ACADL: variants seen among roughly 807,000 people sequenced by gnomAD.
ACADL encodes the protein long-chain specific acyl-CoA dehydrogenase, mitochondrial.
ACADL carries 60 observed loss-of-function variants against 56.9 expected under a neutral mutation model. The observed-to-expected ratio is 1.05, with a 90% CI of 0.86 to 1.31. The LOEUF (loss-of-function observed/expected upper bound fraction) is 1.31, where lower values mean the gene tolerates loss of function less well. ACADL is among the 50% of genes most tolerant of loss of function. The pLI is 0.00. For synonymous variants in ACADL, 158 were observed against 179.7 expected, an observed-to-expected ratio of 0.88 and a Z score of 0.97; for missense variants, 484 against 525.5, an observed-to-expected ratio of 0.92 and a Z score of 0.77.
chr2:210,210,749 C>T (rs1050099628), intron 4 of ACADL, among the ~76,000 whole-genome samples: 3 of 152,114 alleles, frequency 2.0e-5, no homozygotes, highest in Admixed American at 1.3e-4. Flanking sequence ...AGTTTGAGAC[C>T]AGCCTGGGCA....
chr2:210,204,652 G>A lies in ACADL; in HGVS notation c.799C>T (p.Arg267Trp), dbSNP rs200297060. 6.0e-4 allele frequency: 969 copies of A among 1,612,070 alleles called. 5 individuals carry two copies. The highest frequency in any genetic ancestry group is 2.1e-3 in the Middle Eastern group (13 of 6,054). ...DTAELFFEDI[R>W]LPASALLGEE... ...CCAAGTAGGGCACTAGCTGGCAACC[G>A]TATATCTTCAAAGAATAGTTCTGCG... The change falls in exon 7 of 11, where the codon CGG (arginine) becomes TGG (tryptophan). Residue 267 changes from arginine (R) to tryptophan (W), a missense_variant. By Grantham distance (101) the Arg-to-Trp change is moderately radical. Transcript: ENST00000233710.
At chr2:210,207,260 A>T (rs1285020324) in intron 5 of ACADL, among the ~76,000 whole-genome samples, 3 of 152,134 alleles carry the variant, frequency 2.0e-5, no homozygotes, top group African/African-American at 2.4e-5. Flanking sequence ...TCACCTTCAC[A>T]CTTAAAAATT....
intron 1 of ACADL, chr2:210,224,921 G>T (rs1051394914): frequency 1.8e-5 from 24 of 1,312,908 alleles, no homozygotes; most frequent in Non-Finnish European, 2.1e-5. Flanking sequence ...AACTTCTGGA[G>T]AAATCTTTCG....
In ACADL at chr2:210,217,947, A is replaced by G. The variant is rs1354763946; in HGVS notation, c.371+18T>C. ...TGTTTACAAAACAAGACTCAACCTTAAAAGTCTCCATACTTACTGCTCCTC... is the reference window on the plus strand; with the variant it reads ...TGTTTACAAAACAAGACTCAACCTTGAAAGTCTCCATACTTACTGCTCCTC... On this transcript the variant is annotated intron_variant, in intron 3 of 10. Coordinates refer to ENST00000233710, the MANE Select transcript of ACADL (RefSeq NM_001608.4). 1 of 1,613,946 alleles carries G rather than the reference A, an allele frequency of 6.2e-7. No individual in the cohort carries two copies. Among genetic ancestry groups the G allele is most frequent in the African/African-American group, 1.3e-5 (1 of 75,028 alleles).
intron 3 of ACADL, chr2:210,217,742 C>G (rs1689110175): frequency 1.8e-6 from 1 of 544,558 alleles, no homozygotes; most frequent in African/African-American, 1.9e-5. Context: ...CTTTAATTTT[C>G]AATAGCACCT....
chr2:210,204,549 G>C (rs1211493997), intron 7 of ACADL, 32 bp downstream of exon 7: 47 of 1,420,848 alleles, frequency 3.3e-5, no homozygotes, highest in Non-Finnish European at 4.4e-5. Context: ...TCATTATTCA[G>C]TCAAAAGATG....
At position 210,188,955 on chromosome 2, in the gene ACADL, A is replaced by G; in HGVS notation, c.*6T>C. 6.2e-7 allele frequency: 1 copy of G among 1,600,860 alleles called. No individual in the cohort carries two copies. Among genetic ancestry groups the G allele is most frequent in the South Asian group, 1.1e-5 (1 of 90,844 alleles). On this transcript the variant is annotated 3_prime_UTR_variant, in exon 11 of 11. Transcript: ENST00000233710. ...TGTAATAGGACTCCAGGATGTGGGCAGATGTCTACTTGTCAAAGACAATCT... is the reference window on the plus strand; with the variant it reads ...TGTAATAGGACTCCAGGATGTGGGCGGATGTCTACTTGTCAAAGACAATCT...
Position 210,225,187 on chromosome 2 carries a change from C to CGCGCGGCGGGCAGCTG in ACADL, c.61_76dup (p.Arg26ProfsTer22). 3 of 1,532,776 alleles carry CGCGCGGCGGGCAGCTG rather than the reference C, an allele frequency of 2.0e-6. No individual in the cohort carries two copies. Among genetic ancestry groups the CGCGCGGCGGGCAGCTG allele is most frequent in the Non-Finnish European group, 2.6e-6 (3 of 1,145,168 alleles). The allele number at this position is 1,532,776 out of a possible 1,614,324, so 94.9% of individuals were successfully genotyped here. ...CGCGGAAGTCCCGGCTGGCACTCAC[C>CGCGCGGCGGGCAGCTG]GCGCGGCGGGCAGCTGGCGCGGCGC... On this transcript the variant is annotated frameshift_variant and splice_region_variant, in exon 1 of 11. Transcript: ENST00000233710. LOFTEE classifies it high-confidence loss of function.
chr2:210,223,916 A>G (rs1482330617), intron 1 of ACADL, among the ~76,000 whole-genome samples: 1 of 152,178 alleles, frequency 6.6e-6, no homozygotes, highest in African/African-American at 2.4e-5. Context: ...TACATAAACA[A>G]AAGTCCTTTG....
chr2:210,197,860 A>G (rs554191256), intron 8 of ACADL, among the ~76,000 whole-genome samples: 7 of 152,378 alleles, frequency 4.6e-5, no homozygotes, highest in African/African-American at 1.7e-4. Flanking sequence ...AGTGAAGTCC[A>G]GAGGTCTGAG....
In ACADL at chr2:210,188,987, C is replaced by G; in HGVS notation, c.1267G>C (p.Ala423Pro). The change falls in exon 11 of 11, where the codon GCA becomes CCA. Residue 423 changes from alanine to proline, a missense_variant. Physicochemically the swap from Ala to Pro is conservative, Grantham distance 27. Coordinates refer to ENST00000233710, the MANE Select transcript of ACADL (RefSeq NM_001608.4). ...TACTTGTCAAAGACAATCTCTCTTG[C>G]AATCAGCTCCTTCATTATTTCATTT... ...GTNEIMKELI[A>P]REIVFDK is the part of the protein sequence containing the mutation. 1.2e-6 allele frequency: 2 copies of G among 1,613,282 alleles called. No homozygotes were observed. Among genetic ancestry groups the G allele is most frequent in the African/African-American group, 1.3e-5 (1 of 75,008 alleles).
intron 10 of ACADL, among the ~76,000 whole-genome samples, chr2:210,189,369 G>C (rs1182693441): frequency 1.3e-5 from 2 of 151,934 alleles, no homozygotes; most frequent in African/African-American, 4.8e-5. Flanking sequence ...CTCTTAAAAA[G>C]TCTGTTTTAG....
chr2:210,210,910 C>T (rs1444421668), intron 4 of ACADL, among the ~76,000 whole-genome samples: 1 of 151,944 alleles, frequency 6.6e-6, no homozygotes, highest in Admixed American at 6.6e-5. Context: ...CAGGCCACTG[C>T]ACTCTAGTCT....
rs755567740 is a variant in ACADL at position 210,216,331 on chromosome 2, C to T, written c.536+16G>A. The T allele has an allele frequency of 6.2e-7, 1 of 1,613,092 alleles. No individual in the cohort carries two copies. Among genetic ancestry groups the T allele is most frequent in the Admixed American group, 1.7e-5 (1 of 60,006 alleles). ...ACTGCTTCCAAGAATCCAAAGCCAA[C>T]TAAATATTAACTTACCTTCCAGCTC... On this transcript the variant is annotated intron_variant, in intron 4 of 10. Transcript: ENST00000233710.
chr2:210,216,271 T>G (rs1689083963), intron 4 of ACADL, 76 bp downstream of exon 4: 2 of 1,508,028 alleles, frequency 1.3e-6, no homozygotes, highest in South Asian at 2.3e-5. Flanking sequence ...TAGCTCAGTC[T>G]ATGTATTAAC....
intron 5 of ACADL, among the ~76,000 whole-genome samples, chr2:210,208,216 C>A (rs1351332688): frequency 1.3e-5 from 2 of 152,020 alleles, no homozygotes; most frequent in Admixed American, 1.3e-4. Context: ...AATAAATAAA[C>A]AATGGAATAG....
At chr2:210,219,935 G>A (rs1193154841) in intron 2 of ACADL, among the ~76,000 whole-genome samples, 1 of 152,028 alleles carries the variant, frequency 6.6e-6, no homozygotes, top group Admixed American at 6.6e-5. Flanking sequence ...TAAACTATGG[G>A]GTTTAGTAGG....
At chr2:210,224,827 G>A in intron 1 of ACADL, 1 of 1,019,754 alleles carries the variant, frequency 9.8e-7, no homozygotes, top group South Asian at 4.4e-5. Flanking sequence ...GGCCCAGGGG[G>A]TGACCACCTC....
At chr2:210,224,407 T>C in intron 1 of ACADL, 2 of 985,316 alleles carry the variant, frequency 2.0e-6, no homozygotes, top group Non-Finnish European at 2.4e-6. Flanking sequence ...ACACCAATGC[T>C]GTCATTCGCA....
Sources: gnomAD v4.1 joint callset for allele counts (sites outside exome capture counted in the v4.1 genomes callset) on GRCh38, gnomAD v4.1.1 for gene constraint, MANE v1.5 for transcripts, NCBI Gene and HGNC (gene_info 2026-07-23, HGNC 2026-07-21) for gene names.